Variants in SKAP1 observed in about 807,000 individuals in gnomAD.
The protein encoded by SKAP1 is src kinase associated phosphoprotein 1, also known as src kinase-associated phosphoprotein 1.
In SKAP1, 44 loss-of-function variants were observed where a neutral mutation model predicts 58.5. The observed-to-expected ratio is 0.75, with a 90% CI of 0.59 to 0.97. The LOEUF (loss-of-function observed/expected upper bound fraction) is 0.97, where lower values mean the gene tolerates loss of function less well. Ranked by LOEUF, SKAP1 falls within the 50% of genes least tolerant of loss-of-function variation. The probability of loss-of-function intolerance (pLI) is 0.00; values close to 1 mark genes in which losing one functional copy is unlikely to be tolerated. For synonymous variants in SKAP1, 127 were observed against 149.7 expected, an observed-to-expected ratio of 0.85 and a Z score of 1.11; for missense variants, 390 against 435.2, an observed-to-expected ratio of 0.90 and a Z score of 0.92.
At chr17:48,443,899 A>C in the SKAP1 span, among the ~76,000 whole-genome samples, 5 of 152,296 alleles carry the variant, frequency 3.3e-5, no homozygotes, top group South Asian at 1.0e-3. Flanking sequence ...TTCGATTATT[A>C]ATTATTAAAT....
chr17:48,240,986 A>G (rs967051293), intron 4 of SKAP1, among the ~76,000 whole-genome samples: 1 of 152,188 alleles, frequency 6.6e-6, no homozygotes, highest in African/African-American at 2.4e-5. Flanking sequence ...TTCATCTTCA[A>G]AGACAACAGC....
intron 3 of SKAP1, among the ~76,000 whole-genome samples, chr17:48,347,475 C>A (rs945924846): frequency 6.6e-6 from 1 of 152,058 alleles, no homozygotes; most frequent in African/African-American, 2.4e-5. Context: ...TTTCTCTTTC[C>A]ATAAATTAGA....
chr17:48,354,272 T>C (rs979631751), intron 3 of SKAP1, among the ~76,000 whole-genome samples: 1 of 152,232 alleles, frequency 6.6e-6, no homozygotes, highest in African/African-American at 2.4e-5. Flanking sequence ...AACATGTATG[T>C]AACATCATTA....
intron 2 of SKAP1, among the ~76,000 whole-genome samples, chr17:48,374,594 A>T (rs2067130122): frequency 6.6e-6 from 1 of 152,210 alleles, no homozygotes; most frequent in Non-Finnish European, 1.5e-5. Context: ...CTTGCAACTG[A>T]TCTTGAGCAG....
chr17:48,360,299 C>T (rs1290598141), intron 3 of SKAP1, among the ~76,000 whole-genome samples: 1 of 151,988 alleles, frequency 6.6e-6, no homozygotes, highest in Non-Finnish European at 1.5e-5. Context: ...GAATTATAAA[C>T]ATTATACCTT....
At chr17:48,257,251 G>A (rs889422825) in intron 4 of SKAP1, among the ~76,000 whole-genome samples, 1 of 151,872 alleles carries the variant, frequency 6.6e-6, no homozygotes, top group African/African-American at 2.4e-5. Flanking sequence ...CTGACTTACT[G>A]TTCTCCATTT....
At chr17:48,189,594 C>G in intron 4 of SKAP1, 94 bp from the exon 5 acceptor site, 1 of 775,250 alleles carries the variant, frequency 1.3e-6, no homozygotes, top group South Asian at 1.7e-5. Context: ...TAACAGAGTA[C>G]AAAAAGGGCA....
chr17:48,280,678 C>T (rs1465033563), intron 4 of SKAP1, among the ~76,000 whole-genome samples: 1 of 152,214 alleles, frequency 6.6e-6, no homozygotes, highest in Non-Finnish European at 1.5e-5. Flanking sequence ...TCAATCCACT[C>T]TTTCTATCAC....
At chr17:48,342,776 G>C (rs1010996729) in intron 4 of SKAP1, among the ~76,000 whole-genome samples, 1 of 152,146 alleles carries the variant, frequency 6.6e-6, no homozygotes, top group African/African-American at 2.4e-5. Flanking sequence ...ACGAAGTCAG[G>C]AGATCGAGAC....
At chr17:48,427,825 C>T (rs2067870583) in intron 1 of SKAP1, among the ~76,000 whole-genome samples, 1 of 151,940 alleles carries the variant, frequency 6.6e-6, no homozygotes, top group Non-Finnish European at 1.5e-5. Context: ...AGTTGCAGCC[C>T]TCACATCCTG....
At chr17:48,289,349 TA>T (rs966826513) in intron 4 of SKAP1, among the ~76,000 whole-genome samples, 7 of 151,676 alleles carry the variant, frequency 4.6e-5, no homozygotes, top group Non-Finnish European at 7.4e-5. Flanking sequence ...GCCTACTTTT[TA>T]AAAAAAAATT....
At chr17:48,202,043 T>C (rs1244098327) in intron 4 of SKAP1, among the ~76,000 whole-genome samples, 1 of 152,204 alleles carries the variant, frequency 6.6e-6, no homozygotes, top group Non-Finnish European at 1.5e-5. Flanking sequence ...TTTAATACTG[T>C]TAATGGTGAA....
At chr17:48,360,691 TTAAAG>T (rs1432814325) in intron 3 of SKAP1, among the ~76,000 whole-genome samples, 1 of 152,222 alleles carries the variant, frequency 6.6e-6, no homozygotes, top group Non-Finnish European at 1.5e-5. Context: ...CCCCTCTACA[TTAAAG>T]TAATGTATTC....
intron 11 of SKAP1, among the ~76,000 whole-genome samples, chr17:48,140,675 A>G (rs371249346): frequency 6.6e-6 from 1 of 151,890 alleles, no homozygotes; most frequent in East Asian, 1.9e-4. Context: ...TTGGTTCTCT[A>G]TCTCAGTGAG....
chr17:48,314,974 A>G (rs572247904), intron 4 of SKAP1, among the ~76,000 whole-genome samples: 4 of 152,290 alleles, frequency 2.6e-5, no homozygotes, highest in South Asian at 2.1e-4. Context: ...TTGTTAATAT[A>G]TATTAATATT....
intron 4 of SKAP1, among the ~76,000 whole-genome samples, chr17:48,254,888 T>G (rs1456041273): frequency 1.3e-5 from 2 of 152,022 alleles, no homozygotes; most frequent in Admixed American, 6.6e-5. Context: ...TCTGAAAATC[T>G]ATGATATGAT....
upstream of SKAP1, among the ~76,000 whole-genome samples, chr17:48,430,842 G>A (rs148974997): frequency 2.2e-3 from 341 of 152,326 alleles, no homozygotes; most frequent in Non-Finnish European, 3.8e-3. Context: ...AAAGCTGAGG[G>A]AGAGGAGAAC....
At chr17:48,356,721 T>C (rs1024234059) in intron 3 of SKAP1, among the ~76,000 whole-genome samples, 2 of 152,188 alleles carry the variant, frequency 1.3e-5, no homozygotes, top group Non-Finnish European at 2.9e-5. Flanking sequence ...TAACCAGTTT[T>C]TAACATTAAA....
chr17:48,257,142 A>G (rs1457391296), intron 4 of SKAP1, among the ~76,000 whole-genome samples: 1 of 150,458 alleles, frequency 6.6e-6, no homozygotes, highest in Admixed American at 6.6e-5. Context: ...TTTTTTTTGT[A>G]TTTTAAAAGG....
Sources: gnomAD v4.1 joint callset for allele counts (sites outside exome capture counted in the v4.1 genomes callset) on GRCh38, gnomAD v4.1.1 for gene constraint, MANE v1.5 for transcripts, NCBI Gene and HGNC (gene_info 2026-07-23, HGNC 2026-07-21) for gene names.